DNAJB14: variants seen among roughly 807,000 people sequenced by gnomAD.
DNAJB14 encodes the protein dnaJ homolog subfamily B member 14.
A neutral mutation model predicts 48.4 loss-of-function variants in DNAJB14; 22 were observed. The ratio of observed to expected loss-of-function variants is 0.45; its 90% confidence interval spans 0.32 to 0.65. DNAJB14 has a LOEUF of 0.65. DNAJB14 is among the 30% of genes least tolerant of loss of function. The pLI is 0.03. For synonymous variants in DNAJB14, 142 were observed against 158.7 expected, an observed-to-expected ratio of 0.89 and a Z score of 0.79; for missense variants, 319 against 458.8, an observed-to-expected ratio of 0.70 and a Z score of 2.78.
chr4:99,945,462 C>G (rs1384079232), intron 1 of DNAJB14, among the ~76,000 whole-genome samples: 1 of 152,168 alleles, frequency 6.6e-6, no homozygotes, highest in Admixed American at 6.5e-5. Flanking sequence ...GGCAAGGCAA[C>G]AGTGTAGCGG....
intron 1 of DNAJB14, 103 bp from the exon 2 acceptor site, chr4:99,930,724 A>C: frequency 7.9e-7 from 1 of 1,265,476 alleles, no homozygotes; most frequent in Non-Finnish European, 1.1e-6. Context: ...TGTGTTCTCC[A>C]AAAAGATTCA....
chr4:99,919,237 G>C (rs1304877443), intron 3 of DNAJB14, among the ~76,000 whole-genome samples: 1 of 151,930 alleles, frequency 6.6e-6, no homozygotes. Flanking sequence ...ATATGTATTG[G>C]TGTTTTGGGG....
chr4:99,902,452 G>A (rs1440348796), intron 7 of DNAJB14, among the ~76,000 whole-genome samples: 1 of 152,054 alleles, frequency 6.6e-6, no homozygotes, highest in African/African-American at 2.4e-5. Flanking sequence ...CTAGTCTAAT[G>A]TAAGCTTCTC....
chr4:99,906,454 CA>C, intron 5 of DNAJB14, 62 bp downstream of exon 5: 2 of 1,487,280 alleles, frequency 1.3e-6, no homozygotes, highest in South Asian at 1.1e-5. Flanking sequence ...TCTTTTCAGA[CA>C]ACTCTAATTA....
chr4:99,928,075 T>C (rs1726321269), intron 2 of DNAJB14: 1 of 152,190 alleles, frequency 6.6e-6, no homozygotes, highest in Non-Finnish European at 1.5e-5. Flanking sequence ...ATTAAAAAGG[T>C]ATAATGAGAT....
At chr4:99,937,588 T>C (rs973360579) in intron 1 of DNAJB14, among the ~76,000 whole-genome samples, 15 of 150,850 alleles carry the variant, frequency 9.9e-5, no homozygotes, top group Admixed American at 9.2e-4. Flanking sequence ...TAGCCAGGCA[T>C]GGTGGCATAC....
At chr4:99,928,549 A>G (rs1173676458) in intron 2 of DNAJB14, 4 of 441,154 alleles carry the variant, frequency 9.1e-6, no homozygotes, top group Non-Finnish European at 1.8e-5. Context: ...TACCAGAACA[A>G]AGAGGCATCA....
chr4:99,945,501 A>G lies in DNAJB14; in HGVS notation c.133+938T>C, dbSNP rs560439218. 3.3e-5 allele frequency among the ~76,000 whole-genome samples: 5 copies of G among 152,356 alleles called. No homozygotes were observed. In the East Asian group the frequency reaches 9.6e-4, roughly 29 times the overall value. ...AAGGCCTTTTCGAGTCTGAAAGTTC[A>G]GCTACTATTCTGACTTTGCTACTAA... On this transcript the variant is annotated intron_variant, in intron 1 of 7. Coordinates refer to ENST00000442697, the MANE Select transcript of DNAJB14 (RefSeq NM_001031723.4).
At chr4:99,932,260 T>G (rs1268043238) in intron 1 of DNAJB14, among the ~76,000 whole-genome samples, 1 of 151,974 alleles carries the variant, frequency 6.6e-6, no homozygotes, top group Non-Finnish European at 1.5e-5. Context: ...ACATACCTGA[T>G]TTTCAAAAAA....
At chr4:99,945,076 G>A (rs573153064) in intron 1 of DNAJB14, among the ~76,000 whole-genome samples, 1 of 152,316 alleles carries the variant, frequency 6.6e-6, no homozygotes, top group African/African-American at 2.4e-5. Context: ...GCGGTAGGGA[G>A]CTGTCTGATT....
At chr4:99,932,032 T>C (rs775887595) in intron 1 of DNAJB14, among the ~76,000 whole-genome samples, 3 of 152,036 alleles carry the variant, frequency 2.0e-5, no homozygotes, top group Non-Finnish European at 2.9e-5. Flanking sequence ...TCGGAATGGA[T>C]CATGAATCTA....
chr4:99,930,296 T>C (rs532176960), intron 2 of DNAJB14, 154 bp downstream of exon 2: 3 of 640,380 alleles, frequency 4.7e-6, no homozygotes, highest in Non-Finnish European at 7.2e-6. Context: ...TACAGACCAG[T>C]TTTATAAAGA....
In DNAJB14 at chr4:99,905,674, G is replaced by A. The variant is rs751804248; in HGVS notation, c.765C>T (p.Pro255=). 4 of 1,612,596 alleles carry A rather than the reference G, an allele frequency of 2.5e-6. No homozygotes were observed. In the Admixed American group the frequency reaches 5.0e-5, roughly 20 times the overall value. ...ATGACACGAGGATCAATACAATTATGGGCATCAGCTGGATAAACACAGAAA... is the reference window on the plus strand; with the variant it reads ...ATGACACGAGGATCAATACAATTATAGGCATCAGCTGGATAAACACAGAAA... ...GGFSVFIQLM[P]IIVLILVSLL... Residue 255 remains proline, a synonymous_variant, in exon 6 of 8, where the codon CCC becomes CCT. Coordinates refer to ENST00000442697, the MANE Select transcript of DNAJB14 (RefSeq NM_001031723.4).
chr4:99,911,713 T>A (rs2110198809), intron 3 of DNAJB14, among the ~76,000 whole-genome samples: 1 of 152,222 alleles, frequency 6.6e-6, no homozygotes, highest in East Asian at 1.9e-4. Flanking sequence ...CCTCTTCATT[T>A]TTTTGCCCAT....
intron 7 of DNAJB14, among the ~76,000 whole-genome samples, chr4:99,902,411 A>G (rs76653356): frequency 1.6e-4 from 24 of 152,186 alleles, no homozygotes; most frequent in African/African-American, 5.5e-4. Flanking sequence ...GAAGGGTGGC[A>G]ACTCACTCCC....
intron 1 of DNAJB14, among the ~76,000 whole-genome samples, chr4:99,931,724 A>T (rs1424258764): frequency 6.7e-6 from 1 of 149,342 alleles, no homozygotes; most frequent in Non-Finnish European, 1.5e-5. Context: ...AATCTCAGAG[A>T]ATTATTACCA....
chr4:99,908,352 G>A (rs1725539264), intron 4 of DNAJB14, among the ~76,000 whole-genome samples: 1 of 151,850 alleles, frequency 6.6e-6, no homozygotes, highest in African/African-American at 2.4e-5. Context: ...AGATCTCTAG[G>A]GAAGCAATGT....
chr4:99,933,921 G>A (rs1236913634), intron 1 of DNAJB14, among the ~76,000 whole-genome samples: 5 of 152,078 alleles, frequency 3.3e-5, no homozygotes, highest in Admixed American at 6.6e-5. Context: ...ATAACCAACA[G>A]GGACTCTCTA....
At chr4:99,938,352 T>C (rs944490316) in intron 1 of DNAJB14, among the ~76,000 whole-genome samples, 1 of 150,674 alleles carries the variant, frequency 6.6e-6, no homozygotes, top group Non-Finnish European at 1.5e-5. Context: ...GCTTTTTTTT[T>C]TTTTTTTTTG....
Sources: gnomAD v4.1 joint callset for allele counts (sites outside exome capture counted in the v4.1 genomes callset) on GRCh38, gnomAD v4.1.1 for gene constraint, MANE v1.5 for transcripts, NCBI Gene and HGNC (gene_info 2026-07-23, HGNC 2026-07-21) for gene names.